Variants in NRXN3 observed in about 807,000 individuals in gnomAD.
NRXN3 encodes the protein neurexin 3.
NRXN3 carries 32 observed loss-of-function variants against 137.6 expected under a neutral mutation model. The observed-to-expected ratio is 0.23, with a 90% CI of 0.18 to 0.31. The LOEUF (loss-of-function observed/expected upper bound fraction) is 0.31, where lower values mean the gene tolerates loss of function less well. Among genes scored for constraint, NRXN3 ranks in the 10% least tolerant of loss-of-function variants. The probability of loss-of-function intolerance (pLI) is 1.00; values close to 1 mark genes in which losing one functional copy is unlikely to be tolerated. For missense variants in NRXN3, 1,574 were observed against 2,062.5 expected, an observed-to-expected ratio of 0.76 and a Z score of 4.59; for synonymous variants, 798 against 784.5, an observed-to-expected ratio of 1.02 and a Z score of -0.29.
chr14:79,769,378 G>A (rs575716684), intron 19 of NRXN3, among the ~76,000 whole-genome samples: 44 of 151,878 alleles, frequency 2.9e-4, no homozygotes, highest in Admixed American at 4.6e-4. Context: ...AGAGAGAAAG[G>A]TCGGGTTACC....
intron 14 of NRXN3, among the ~76,000 whole-genome samples, chr14:78,974,741 T>C (rs769029735): frequency 3.3e-5 from 5 of 152,204 alleles, no homozygotes; most frequent in Non-Finnish European, 7.3e-5. Flanking sequence ...GGAAAAGCTT[T>C]TAGTTTTTTG....
At chr14:78,924,021 G>GGGT (rs1385097359) in intron 10 of NRXN3, among the ~76,000 whole-genome samples, 1 of 152,058 alleles carries the variant, frequency 6.6e-6, no homozygotes, top group African/African-American at 2.4e-5. Flanking sequence ...AGGCTGAGGC[G>GGGT]GGTGGATCAC....
At chr14:78,919,054 AT>A (rs1443464122) in intron 10 of NRXN3, among the ~76,000 whole-genome samples, 1 of 152,196 alleles carries the variant, frequency 6.6e-6, no homozygotes, top group African/African-American at 2.4e-5. Flanking sequence ...TAGTATTAAA[AT>A]TTTTTATATG....
chr14:78,183,932 G>A (rs1008750712), intron 1 of NRXN3, among the ~76,000 whole-genome samples: 5 of 152,210 alleles, frequency 3.3e-5, no homozygotes, highest in East Asian at 3.8e-4. Context: ...AGGTTGCCTC[G>A]TGTGTGGGTT....
chr14:78,619,862 A>C (rs1417574495), intron 4 of NRXN3, among the ~76,000 whole-genome samples: 1 of 152,190 alleles, frequency 6.6e-6, no homozygotes, highest in Non-Finnish European at 1.5e-5. Flanking sequence ...CCTTAGAACA[A>C]GAGGAAGAGA....
intron 8 of NRXN3, among the ~76,000 whole-genome samples, chr14:78,724,670 A>T (rs11845601): frequency 5.3e-5 from 8 of 152,158 alleles, no homozygotes; most frequent in Non-Finnish European, 1.0e-4. Flanking sequence ...ATGATCTTCT[A>T]GGCAGTAGTC....
intron 6 of NRXN3, chr14:78,698,316 G>A (rs1222390338): frequency 2.0e-5 from 3 of 152,036 alleles, no homozygotes; most frequent in Non-Finnish European, 4.4e-5. Flanking sequence ...TGCTTTTACA[G>A]TATTTTCTAT....
chr14:79,480,303 G>A (rs2096595609), intron 16 of NRXN3, among the ~76,000 whole-genome samples: 1 of 152,136 alleles, frequency 6.6e-6, no homozygotes, highest in South Asian at 2.1e-4. Flanking sequence ...ACTTATATCA[G>A]CAGTACTGGA....
In NRXN3 at chr14:79,752,158, G is replaced by T. The variant is rs570148659; in HGVS notation, c.4015-52954G>T. On this transcript the variant is annotated intron_variant, in intron 19 of 20. Coordinates refer to ENST00000335750, the MANE Select transcript of NRXN3 (RefSeq NM_001330195.2). The stretch of plus-strand genomic sequence containing the variant: ...TTTCAGAAGGAATGGTACCAGTTCC[G>T]CCTTGTACCTCTGGTAGAATTCGGC... Among the ~76,000 whole-genome samples the T allele has an allele frequency of 1.9e-3, 294 of 152,152 alleles. 5 individuals carry two copies. The highest frequency in any genetic ancestry group is 0.019 in the East Asian group (96 of 5,164).
intron 4 of NRXN3, among the ~76,000 whole-genome samples, chr14:78,587,426 G>A (rs1353166009): frequency 6.6e-6 from 1 of 152,164 alleles, no homozygotes; most frequent in Admixed American, 6.5e-5. Context: ...TGGCAGATTA[G>A]TTACCCCTCT....
intron 19 of NRXN3, among the ~76,000 whole-genome samples, chr14:79,753,280 T>A (rs1183795211): frequency 6.6e-6 from 1 of 151,888 alleles, no homozygotes; most frequent in Non-Finnish European, 1.5e-5. Flanking sequence ...CGTATGTTTA[T>A]TGCGGCACTA....
At chr14:78,255,079 C>G (rs1049736433) in intron 2 of NRXN3, among the ~76,000 whole-genome samples, 4 of 147,304 alleles carry the variant, frequency 2.7e-5, no homozygotes, top group African/African-American at 1.0e-4. Flanking sequence ...GCCTGCCAAG[C>G]AAATTCGCTC....
intron 15 of NRXN3, among the ~76,000 whole-genome samples, chr14:79,273,964 G>A (rs992809898): frequency 6.6e-6 from 1 of 151,890 alleles, no homozygotes; most frequent in African/African-American, 2.4e-5. Flanking sequence ...GGGCATGGTG[G>A]TGCATTCCTG....
intron 4 of NRXN3, among the ~76,000 whole-genome samples, chr14:78,321,226 T>A (rs1387323272): frequency 6.6e-6 from 1 of 152,070 alleles, no homozygotes; most frequent in Admixed American, 6.5e-5. Context: ...TCTTGAGCTC[T>A]TTCCAGTGTC....
At chr14:78,353,913 T>C (rs2083912477) in intron 4 of NRXN3, among the ~76,000 whole-genome samples, 1 of 152,184 alleles carries the variant, frequency 6.6e-6, no homozygotes, top group Non-Finnish European at 1.5e-5. Flanking sequence ...CAGTTTATGA[T>C]TATATTCCTT....
chr14:78,394,908 T>C (rs2091271895), intron 4 of NRXN3, among the ~76,000 whole-genome samples: 1 of 151,838 alleles, frequency 6.6e-6, no homozygotes, highest in South Asian at 2.1e-4. Flanking sequence ...TCGGGGGCTG[T>C]AGTGATATCC....
rs537313017 is a variant in NRXN3, at chr14:79,006,133, A to G, written c.3262+17992A>G. Reference sequence around the variant, plus strand: ...TTCCTCCTGGCAGAGTGTGAGAAGCAGGTTGAGAGAAAATAGTAAGCTTTG... The same window carrying G: ...TTCCTCCTGGCAGAGTGTGAGAAGCGGGTTGAGAGAAAATAGTAAGCTTTG... On this transcript the variant is annotated intron_variant, in intron 15 of 20. Coordinates refer to ENST00000335750, the MANE Select transcript of NRXN3 (RefSeq NM_001330195.2). Among the ~76,000 whole-genome samples, 15 of 113,208 alleles carry G rather than the reference A, an allele frequency of 1.3e-4. No homozygotes were observed. In the South Asian group the frequency reaches 3.9e-3, roughly 29 times the overall value. 74.3% of individuals were successfully genotyped at this position (113,208 alleles called of 152,430 possible). A position where few individuals can be genotyped will look rare whatever the true frequency, so the allele number is the denominator to read the frequency against.
At chr14:78,901,984 G>A (rs1338846384) in intron 10 of NRXN3, among the ~76,000 whole-genome samples, 1 of 152,070 alleles carries the variant, frequency 6.6e-6, no homozygotes, top group Non-Finnish European at 1.5e-5. Context: ...TGTCGGGTAT[G>A]CAAGGGGGCT....
At chr14:79,036,818 T>C (rs1246345363) in intron 15 of NRXN3, among the ~76,000 whole-genome samples, 2 of 151,904 alleles carry the variant, frequency 1.3e-5, no homozygotes, top group African/African-American at 4.8e-5. Flanking sequence ...TTTTATAGTA[T>C]TGTTGACTAC....
Sources: allele counts gnomAD v4.1 joint callset (sites outside exome capture counted in the v4.1 genomes callset), GRCh38; gene constraint gnomAD v4.1.1; transcripts MANE v1.5; gene names NCBI Gene and HGNC (gene_info 2026-07-23, HGNC 2026-07-21).